GPBP1: variants seen among roughly 807,000 people sequenced by gnomAD.
GPBP1 encodes the protein vasculin.
In GPBP1, 13 loss-of-function variants were observed where a neutral mutation model predicts 56.5. The observed-to-expected ratio is 0.23, with a 90% CI of 0.15 to 0.37. GPBP1 has a LOEUF of 0.37. GPBP1 is among the 10% of genes least tolerant of loss of function. The probability of loss-of-function intolerance (pLI) is 1.00; values close to 1 mark genes in which losing one functional copy is unlikely to be tolerated. For synonymous variants in GPBP1, 204 were observed against 188.9 expected (o/e 1.08, Z -0.66); for missense variants, 477 against 572.3 (o/e 0.83, Z 1.70).
rs146952538 is a variant in GPBP1, at chr5:57,262,254, CTA to C, written c.1264-338_1264-337del. 6.9e-3 allele frequency among the ~76,000 whole-genome samples: 1,043 copies of C among 152,152 alleles called. 13 individuals carry two copies. Among genetic ancestry groups the C allele is most frequent in the Non-Finnish European group, 7.7e-3 (525 of 68,002 alleles). On this transcript the variant is annotated intron_variant, in intron 11 of 11. Coordinates refer to ENST00000506184, the MANE Select transcript of GPBP1 (RefSeq NM_022913.4). ...TATATACCTCATTCTACTTTACAAA[CTA>C]TGAACAAAGCAGATTGGGGGGTGTA... is the stretch of plus-strand genomic sequence containing the variant.
In GPBP1 at chr5:57,261,872, T is replaced by C. The variant is rs78896725; in HGVS notation, c.1263+590T>C. ...GAGCATCAGGAAGTTGAGATGCTTT[T>C]TTTCAAATCGATTATTTGTTTATTT... On this transcript the variant is annotated intron_variant, in intron 11 of 11. Coordinates refer to ENST00000506184, the MANE Select transcript of GPBP1 (RefSeq NM_022913.4). 7.9e-3 allele frequency among the ~76,000 whole-genome samples: 1,196 copies of C among 152,292 alleles called. 16 individuals are homozygous for C. The highest frequency in any genetic ancestry group is 0.028 in the African/African-American group (1,149 of 41,544).
chr5:57,178,295 T>TAG (rs1442227618), intron 2 of GPBP1, among the ~76,000 whole-genome samples: 4 of 152,200 alleles, frequency 2.6e-5, no homozygotes, highest in Non-Finnish European at 5.9e-5. Context: ...GTGCCCAGGC[T>TAG]AGAGTGCAGT....
intron 2 of GPBP1, among the ~76,000 whole-genome samples, chr5:57,177,254 A>G (rs1396210889): frequency 1.3e-5 from 2 of 151,932 alleles, no homozygotes; most frequent in Non-Finnish European, 2.9e-5. Flanking sequence ...TAATGTTTGT[A>G]TTTTTCAGGA....
At chr5:57,182,282 C>T (rs1233606666) in intron 2 of GPBP1, among the ~76,000 whole-genome samples, 1 of 152,038 alleles carries the variant, frequency 6.6e-6, no homozygotes, top group African/African-American at 2.4e-5. Flanking sequence ...TGGGGTTTCA[C>T]CATGTTGACC....
chr5:57,188,790 C>G (rs1227627021), intron 2 of GPBP1, among the ~76,000 whole-genome samples: 2 of 152,032 alleles, frequency 1.3e-5, no homozygotes, highest in Non-Finnish European at 2.9e-5. Flanking sequence ...GCCCCATACT[C>G]TCTCTATTCT....
At chr5:57,253,513 A>T (rs993277495) in intron 10 of GPBP1, among the ~76,000 whole-genome samples, 12 of 152,166 alleles carry the variant, frequency 7.9e-5, no homozygotes, top group African/African-American at 2.9e-4. Context: ...CTTCTATTTT[A>T]ATTAAGAACA....
At chr5:57,211,718 G>T (rs1177397023) in intron 2 of GPBP1, among the ~76,000 whole-genome samples, 1 of 151,764 alleles carries the variant, frequency 6.6e-6, no homozygotes, top group Non-Finnish European at 1.5e-5. Context: ...TGAGTAGCTG[G>T]GATTACAGGC....
At chr5:57,201,673 A>G (rs1442033887) in intron 2 of GPBP1, among the ~76,000 whole-genome samples, 1 of 152,192 alleles carries the variant, frequency 6.6e-6, no homozygotes, top group East Asian at 1.9e-4. Flanking sequence ...TAGTAAGTAA[A>G]CATTCTTTTT....
chr5:57,191,238 A>G (rs1004460546), intron 2 of GPBP1, among the ~76,000 whole-genome samples: 19 of 152,034 alleles, frequency 1.2e-4, no homozygotes, highest in Admixed American at 1.1e-3. Flanking sequence ...GGCGCTTGCC[A>G]TCATGACCAG....
chr5:57,237,577 A>G (rs1226376545), intron 6 of GPBP1: 1 of 167,900 alleles, frequency 6.0e-6, no homozygotes, highest in African/African-American at 2.4e-5. Flanking sequence ...CATAAACAAA[A>G]AAAGAAAATG....
intron 3 of GPBP1, among the ~76,000 whole-genome samples, chr5:57,218,787 C>T (rs572208016): frequency 4.6e-5 from 7 of 152,250 alleles, no homozygotes; most frequent in African/African-American, 1.7e-4. Flanking sequence ...TATAATTTGG[C>T]ATTTTGTTCT....
chr5:57,226,897 G>A (rs930339249), intron 3 of GPBP1, among the ~76,000 whole-genome samples: 5 of 151,498 alleles, frequency 3.3e-5, no homozygotes, highest in Non-Finnish European at 7.4e-5. Flanking sequence ...CCGCCACCGC[G>A]CCTGACTAAT....
At chr5:57,229,230 C>CAAAAAAAAAAAAAAAAAAAAAAAA (rs543005934) in intron 3 of GPBP1, among the ~76,000 whole-genome samples, 5 of 77,426 alleles carry the variant, frequency 6.5e-5, no homozygotes, top group East Asian at 2.3e-4. Context: ...GACTCCATCT[C>CAAAAAAAAAAAAAAAAAAAAAAAA]AAAAAAAAAA....
chr5:57,248,410 T>TCA (rs887812310), intron 8 of GPBP1, among the ~76,000 whole-genome samples: 11 of 144,666 alleles, frequency 7.6e-5, no homozygotes, highest in Non-Finnish European at 1.3e-4. Flanking sequence ...TTGGAACCCC[T>TCA]CATATACTAT....
At chr5:57,245,285 C>T (rs1025621965) in intron 6 of GPBP1, among the ~76,000 whole-genome samples, 4 of 152,286 alleles carry the variant, frequency 2.6e-5, no homozygotes, top group African/African-American at 7.2e-5. Context: ...TATCCTTTAG[C>T]ATTTCAATAG....
At chr5:57,233,287 A>C (rs1287973445) in intron 5 of GPBP1, among the ~76,000 whole-genome samples, 4 of 152,192 alleles carry the variant, frequency 2.6e-5, no homozygotes, top group Non-Finnish European at 2.9e-5. Flanking sequence ...GGAAATAGAA[A>C]AATAAAAGAT....
intron 2 of GPBP1, among the ~76,000 whole-genome samples, chr5:57,180,341 C>G (rs1286904741): frequency 6.6e-6 from 1 of 152,064 alleles, no homozygotes; most frequent in Admixed American, 6.5e-5. Flanking sequence ...GTCTCGAACT[C>G]CTGACCTCAG....
chr5:57,237,353 A>G, intron 6 of GPBP1: 4 of 586,920 alleles, frequency 6.8e-6, no homozygotes, highest in South Asian at 2.2e-5. Context: ...ATCTATAGAT[A>G]CTATTGGTAC....
At position 57,176,363 on chromosome 5, in the gene GPBP1, A is replaced by G. The variant is rs2111687436; in HGVS notation, c.-95A>G. 5.1e-6 allele frequency: 1 copy of G among 196,810 alleles called. No individual in the cohort carries two copies. The highest frequency in any genetic ancestry group is 6.0e-5 in the Admixed American group (1 of 16,586). 12.2% of individuals were successfully genotyped at this position (196,810 alleles called of 1,614,324 possible). On this transcript the variant is annotated 5_prime_UTR_variant, in exon 2 of 12. Transcript: ENST00000506184. Reference sequence around the variant, plus strand: ...AACTGGAAAATAAAGATTACAGAGAAAAAACCAACACCTTCCTGTGCAGTC... The same window carrying G: ...AACTGGAAAATAAAGATTACAGAGAGAAAACCAACACCTTCCTGTGCAGTC...
Sources: allele counts gnomAD v4.1 joint callset (sites outside exome capture counted in the v4.1 genomes callset), GRCh38; gene constraint gnomAD v4.1.1; transcripts MANE v1.5; gene names NCBI Gene and HGNC (gene_info 2026-07-23, HGNC 2026-07-21).